Variants in KIFAP3 observed in about 807,000 individuals in gnomAD.
KIFAP3 encodes kinesin-associated protein 3.
A neutral mutation model predicts 106.5 loss-of-function variants in KIFAP3; 68 were observed. That is an observed-to-expected ratio of 0.64 (90% CI 0.53 to 0.78). The LOEUF is 0.78. KIFAP3 is among the 30% of genes least tolerant of loss of function. The pLI is 0.00. For synonymous variants in KIFAP3, 320 were observed against 311.5 expected (o/e 1.03, Z -0.29); for missense variants, 780 against 941.8 (o/e 0.83, Z 2.25).
intron 1 of KIFAP3, among the ~76,000 whole-genome samples, chr1:170,071,196 C>G (rs1475129318): frequency 2.0e-5 from 3 of 152,140 alleles, no homozygotes; most frequent in Non-Finnish European, 4.4e-5. Flanking sequence ...ATGAATTAAA[C>G]ATAGAATTAC....
At position 169,954,096 on chromosome 1, in the gene KIFAP3, A is replaced by G. The variant is rs779425735; in HGVS notation, c.2188T>C (p.Ser730Pro). Residue 730 changes from serine (S) to proline (P), a missense_variant, in exon 19 of 20, where the codon TCT becomes CCT. Physicochemically the swap from Ser to Pro is moderately conservative, Grantham distance 74. This residue lies in a region of KIFAP3 where 114 missense variants were observed against 122.3 expected (regional missense o/e 0.93). Transcript: ENST00000361580. ...AAATCGGGACTTATGGCTCCTTCAGAGGCAATTAATCCATCTAGAAAGAAA... is the reference window on the plus strand; with the variant it reads ...AAATCGGGACTTATGGCTCCTTCAGGGGCAATTAATCCATCTAGAAAGAAA... The part of the protein sequence containing the change: ...LFYNSDGLIA[S>P]EGAISPDFFN... 1 of 1,609,444 alleles carries G rather than the reference A, an allele frequency of 6.2e-7. No homozygotes were observed. Among genetic ancestry groups the G allele is most frequent in the Non-Finnish European group, 8.5e-7 (1 of 1,175,860 alleles).
At chr1:169,992,323 T>G (rs1667146888) in intron 10 of KIFAP3, 68 bp from the exon 11 acceptor site, 2 of 675,764 alleles carry the variant, frequency 3.0e-6, no homozygotes, top group Admixed American at 6.9e-5. Flanking sequence ...CTCATGTTAA[T>G]GTACTACAAC....
At chr1:170,015,116 T>C (rs1349093333) in intron 10 of KIFAP3, among the ~76,000 whole-genome samples, 2 of 152,180 alleles carry the variant, frequency 1.3e-5, no homozygotes, top group African/African-American at 2.4e-5. Flanking sequence ...TGTTAACAAA[T>C]TATGAAGTGG....
chr1:170,076,052 A>C (rs754163850), upstream of KIFAP3, among the ~76,000 whole-genome samples: 1 of 152,236 alleles, frequency 6.6e-6, no homozygotes, highest in African/African-American at 2.4e-5. Flanking sequence ...AGACCAAAAT[A>C]TACATTAAAA....
intron 11 of KIFAP3, among the ~76,000 whole-genome samples, chr1:169,988,757 G>A (rs759954231): frequency 2.0e-5 from 3 of 151,786 alleles, no homozygotes; most frequent in South Asian, 2.1e-4. Context: ...ATAAAACCAC[G>A]TCAACTTTTC....
intron 3 of KIFAP3, chr1:170,041,885 G>T: frequency 7.3e-7 from 1 of 1,364,134 alleles, no homozygotes; most frequent in Non-Finnish European, 9.5e-7. Context: ...CAACTGGAAG[G>T]AGAATAAAGG....
intron 1 of KIFAP3, chr1:170,068,618 A>G (rs1016607008): frequency 6.6e-6 from 1 of 151,696 alleles, no homozygotes; most frequent in African/African-American, 2.4e-5. Flanking sequence ...TAATGAGGGT[A>G]TGAAAGGAGA....
intron 7 of KIFAP3, 176 bp from the exon 8 acceptor site, chr1:170,032,160 A>C: frequency 2.0e-6 from 1 of 496,146 alleles, no homozygotes; most frequent in East Asian, 3.1e-5. Flanking sequence ...AGCACTTCTT[A>C]TTTAAGTGCT....
At chr1:170,055,021 T>A (rs1212257712) in intron 2 of KIFAP3, among the ~76,000 whole-genome samples, 2 of 152,194 alleles carry the variant, frequency 1.3e-5, no homozygotes, top group Admixed American at 6.5e-5. Flanking sequence ...ATGGTTGATT[T>A]CACAAGTTAG....
chr1:170,021,924 ATTTCTTTCT>A (rs1202924471), intron 9 of KIFAP3, among the ~76,000 whole-genome samples: 7 of 105,962 alleles, frequency 6.6e-5, no homozygotes, highest in Non-Finnish European at 1.0e-4. Flanking sequence ...CTTCAGGTCT[ATTTCTTTCT>A]TTTCTTTCTT....
upstream of KIFAP3, among the ~76,000 whole-genome samples, chr1:170,075,103 A>G (rs1219851401): frequency 6.6e-6 from 1 of 152,156 alleles, no homozygotes; most frequent in Non-Finnish European, 1.5e-5. Context: ...TAAATCTAGA[A>G]TACACCTCCC....
At chr1:170,026,731 A>G (rs531571225) in intron 8 of KIFAP3, among the ~76,000 whole-genome samples, 93 of 152,340 alleles carry the variant, frequency 6.1e-4, no homozygotes, top group Non-Finnish European at 1.1e-3. Flanking sequence ...GAGGAGTAGA[A>G]GAACAAAGCT....
intron 19 of KIFAP3, among the ~76,000 whole-genome samples, chr1:169,940,773 C>A (rs1046592327): frequency 1.3e-5 from 2 of 152,080 alleles, no homozygotes; most frequent in African/African-American, 4.8e-5. Flanking sequence ...TAAAATAATA[C>A]AATTAGAATA....
At chr1:169,995,241 T>C (rs1667311728) in intron 10 of KIFAP3, among the ~76,000 whole-genome samples, 1 of 152,102 alleles carries the variant, frequency 6.6e-6, no homozygotes. Flanking sequence ...TCGTGATACG[T>C]AGGTTAAACA....
intron 1 of KIFAP3, among the ~76,000 whole-genome samples, chr1:170,066,822 T>C (rs1396571928): frequency 2.0e-5 from 3 of 152,204 alleles, no homozygotes; most frequent in Non-Finnish European, 2.9e-5. Flanking sequence ...AAGCCCAGTT[T>C]AATGTAATTG....
At chr1:170,059,337 G>A (rs1388843345) in intron 1 of KIFAP3, among the ~76,000 whole-genome samples, 1 of 152,154 alleles carries the variant, frequency 6.6e-6, no homozygotes, top group African/African-American at 2.4e-5. Flanking sequence ...TATCACCACT[G>A]ATCCCACAGA....
intron 2 of KIFAP3, among the ~76,000 whole-genome samples, chr1:170,047,805 A>G (rs1310200080): frequency 2.0e-5 from 3 of 152,154 alleles, no homozygotes; most frequent in African/African-American, 7.2e-5. Context: ...ACCATTATTA[A>G]GAGTTTGGAA....
chr1:170,082,165 C>G (rs973141605), intron 1 of KIFAP3, among the ~76,000 whole-genome samples: 3 of 152,092 alleles, frequency 2.0e-5, no homozygotes, highest in Non-Finnish European at 4.4e-5. Flanking sequence ...TTAATAATGA[C>G]AGAAAACTTG....
intron 1 of KIFAP3, among the ~76,000 whole-genome samples, chr1:170,065,423 C>T (rs12143011): frequency 0.16 from 24,799 of 151,578 alleles, 2,194 homozygotes; most frequent in Middle Eastern, 0.22. Context: ...ACCATCCTGG[C>T]TAACATGGTG....
Sources: gnomAD v4.1 joint callset for allele counts (sites outside exome capture counted in the v4.1 genomes callset) on GRCh38, gnomAD v4.1.1 for gene constraint, gnomAD v4.1.1 regional missense constraint, MANE v1.5 for transcripts, NCBI Gene and HGNC (gene_info 2026-07-23, HGNC 2026-07-21) for gene names.